The following TPD52 variants were observed in gnomAD, a reference collection of about 807,000 sequenced individuals.
The protein encoded by TPD52 is prostate and colon associated protein.
Under a neutral mutation model 31.3 loss-of-function variants are expected in TPD52, and 17 were observed. The ratio of observed to expected loss-of-function variants is 0.54; its 90% CI spans 0.37 to 0.82. TPD52 has a LOEUF of 0.82. TPD52 is among the 40% of genes least tolerant of loss of function. TPD52 has a pLI of 0.00. For missense variants in TPD52, 212 were observed against 240.1 expected (o/e 0.88, Z 0.77); for synonymous variants, 83 against 89.6 (o/e 0.93, Z 0.42).
chr8:80,098,257 A>G (rs1194016864), intron 1 of TPD52, among the ~76,000 whole-genome samples: 1 of 152,148 alleles, frequency 6.6e-6, no homozygotes, highest in African/African-American at 2.4e-5. Flanking sequence ...AGTAATTCCT[A>G]TTTTCAAGTC....
rs539047785 is a variant in TPD52 at position 80,074,504 on chromosome 8, C to A, written c.20-9911G>T. ...TCCAGTTAAGGCAGCGCTTCTCAGG[C>A]ACGGCACCACGGGCGTCATGCGGTG... On this transcript the variant is annotated intron_variant, in intron 1 of 7. Coordinates refer to ENST00000518937, the MANE Select transcript of TPD52 (RefSeq NM_001025253.3). 3.3e-5 allele frequency among the ~76,000 whole-genome samples: 5 copies of A among 152,314 alleles called. No homozygotes were observed. In the South Asian group the frequency reaches 1.0e-3, roughly 32 times the overall value.
intron 7 of TPD52, among the ~76,000 whole-genome samples, chr8:80,039,654 T>C (rs1358601798): frequency 1.3e-5 from 2 of 152,238 alleles, no homozygotes; most frequent in East Asian, 3.9e-4. Context: ...TGGCTTCCCA[T>C]TGCCCCAAGT....
At chr8:80,050,330 C>T in intron 5 of TPD52, 115 bp downstream of exon 5, 1 of 1,023,726 alleles carries the variant, frequency 9.8e-7, no homozygotes, top group Non-Finnish European at 1.4e-6. Flanking sequence ...ACTCTAAACG[C>T]AAGAAAATTA....
chr8:80,166,855 G>A (rs897205785), intron 1 of TPD52, among the ~76,000 whole-genome samples: 1 of 152,010 alleles, frequency 6.6e-6, no homozygotes, highest in African/African-American at 2.4e-5. Context: ...GCAGTGAGCC[G>A]AGATCACGCC....
intron 1 of TPD52, among the ~76,000 whole-genome samples, chr8:80,170,421 C>CA (rs1055194622): frequency 5.4e-5 from 8 of 149,126 alleles, no homozygotes; most frequent in East Asian, 1.9e-4. Context: ...AAAAAACAAA[C>CA]AAAAAAAACA....
At chr8:80,093,310 T>G (rs2130893040) in intron 1 of TPD52, among the ~76,000 whole-genome samples, 1 of 152,300 alleles carries the variant, frequency 6.6e-6, no homozygotes, top group African/African-American at 2.4e-5. Context: ...TACTGGAAGA[T>G]TAAAGAGGTG....
At chr8:80,165,218 C>T (rs1811635910) in intron 1 of TPD52, among the ~76,000 whole-genome samples, 1 of 152,160 alleles carries the variant, frequency 6.6e-6, no homozygotes, top group South Asian at 2.1e-4. Flanking sequence ...GTGGCAACAT[C>T]CTGGCCACAT....
intron 1 of TPD52, among the ~76,000 whole-genome samples, chr8:80,142,529 C>T (rs1377861367): frequency 1.3e-5 from 2 of 152,120 alleles, no homozygotes; most frequent in Admixed American, 6.5e-5. Flanking sequence ...GCCAAGAGTT[C>T]GAGACCAGCC....
At chr8:80,060,193 A>T (rs919078244) in intron 2 of TPD52, among the ~76,000 whole-genome samples, 47 of 151,630 alleles carry the variant, frequency 3.1e-4, no homozygotes, top group Non-Finnish European at 1.5e-4. Flanking sequence ...ATCAAATGAA[A>T]GTGGGGACAT....
At chr8:80,124,390 C>T (rs1808462180) in intron 1 of TPD52, among the ~76,000 whole-genome samples, 2 of 152,076 alleles carry the variant, frequency 1.3e-5, no homozygotes, top group African/African-American at 4.8e-5. Context: ...CCAAGCTAGT[C>T]TCGAACTCCT....
intron 1 of TPD52, among the ~76,000 whole-genome samples, chr8:80,085,011 A>T (rs75541231): frequency 0.18 from 27,711 of 152,242 alleles, 2,864 homozygotes; most frequent in South Asian, 0.3. Flanking sequence ...TTATATAAAA[A>T]TATTTATGAA....
chr8:80,086,996 G>A (rs966346523), intron 1 of TPD52, among the ~76,000 whole-genome samples: 25 of 150,898 alleles, frequency 1.7e-4, no homozygotes, highest in African/African-American at 4.9e-4. Flanking sequence ...AGGGGCAGAC[G>A]CCATGATATA....
intron 5 of TPD52, among the ~76,000 whole-genome samples, chr8:80,047,573 A>G (rs1404215253): frequency 6.6e-6 from 1 of 152,218 alleles, no homozygotes; most frequent in Non-Finnish European, 1.5e-5. Flanking sequence ...GCACTCAATA[A>G]ATACTTTTGA....
At chr8:80,059,649 T>A (rs780053100) in intron 2 of TPD52, among the ~76,000 whole-genome samples, 11 of 150,462 alleles carry the variant, frequency 7.3e-5, no homozygotes, top group Non-Finnish European at 1.2e-4. Flanking sequence ...AGGTGAGGAG[T>A]TGGAGACCAG....
At chr8:80,168,433 A>T (rs2131287935) in intron 1 of TPD52, among the ~76,000 whole-genome samples, 1 of 152,342 alleles carries the variant, frequency 6.6e-6, no homozygotes, top group African/African-American at 2.4e-5. Context: ...GGACAAATAT[A>T]AGAAAACTCC....
At chr8:80,041,128 C>T (rs1810341895) in intron 7 of TPD52, among the ~76,000 whole-genome samples, 1 of 152,082 alleles carries the variant, frequency 6.6e-6, no homozygotes, top group Non-Finnish European at 1.5e-5. Flanking sequence ...CATCACACAC[C>T]AAGGCGCCTG....
Position 80,037,980 on chromosome 8 carries a change from AC to A in TPD52, c.*135del, listed in dbSNP as rs1250465583. On this transcript the variant is annotated 3_prime_UTR_variant, in exon 8 of 8. Coordinates refer to ENST00000518937, the MANE Select transcript of TPD52 (RefSeq NM_001025253.3). ...TATTTTCATTTTGTTTAACCCACAA[AC>A]TATTTGGTCAAAGGAATATGTAAAG... 1 of 1,249,952 alleles carries A rather than the reference AC, an allele frequency of 8.0e-7. No homozygotes were observed. The highest frequency in any genetic ancestry group is 1.1e-6 in the Non-Finnish European group (1 of 906,730). 77.4% of individuals were successfully genotyped at this position (1,249,952 alleles called of 1,614,324 possible).
chr8:80,097,485 G>T (rs1806418578), intron 1 of TPD52, among the ~76,000 whole-genome samples: 1 of 152,214 alleles, frequency 6.6e-6, no homozygotes. Context: ...CATAGGGGCA[G>T]ATTTCTCCCT....
At chr8:80,040,795 T>C (rs1810307587) in intron 7 of TPD52, among the ~76,000 whole-genome samples, 1 of 152,236 alleles carries the variant, frequency 6.6e-6, no homozygotes, top group South Asian at 2.1e-4. Context: ...TTCAAATATA[T>C]GACTTGGCAC....
Sources: gnomAD v4.1 joint callset for allele counts (sites outside exome capture counted in the v4.1 genomes callset) on GRCh38, gnomAD v4.1.1 for gene constraint, MANE v1.5 for transcripts, NCBI Gene and HGNC (gene_info 2026-07-23, HGNC 2026-07-21) for gene names.